Variants in SPRED1 observed in about 807,000 individuals in gnomAD.
The protein encoded by SPRED1 is sprouty-related, EVH1 domain-containing protein 1.
A neutral mutation model predicts 52.3 loss-of-function variants in SPRED1; 18 were observed. The observed-to-expected ratio is 0.34, with a 90% confidence interval of 0.24 to 0.51. The LOEUF (loss-of-function observed/expected upper bound fraction) is 0.51. Among genes scored for constraint, SPRED1 ranks in the 20% least tolerant of loss-of-function variants. The pLI is 0.97. For synonymous variants in SPRED1, 155 were observed against 179.7 expected (o/e 0.86, Z 1.10); for missense variants, 485 against 551.0 (o/e 0.88, Z 1.20).
intron 2 of SPRED1, among the ~76,000 whole-genome samples, chr15:38,313,568 G>A (rs1211116632): frequency 6.6e-6 from 1 of 151,594 alleles, no homozygotes; most frequent in Non-Finnish European, 1.5e-5. Context: ...TAGGATAAAT[G>A]ATTATAATTC....
At chr15:38,316,754 T>TTTTTTTTG in intron 2 of SPRED1, among the ~76,000 whole-genome samples, 2 of 146,598 alleles carry the variant, frequency 1.4e-5, no homozygotes, top group Admixed American at 6.9e-5. Flanking sequence ...ATATGTTTTT[T>TTTTTTTTG]TTTTTTTTTT....
At chr15:38,276,405 A>G (rs1894554882) in intron 1 of SPRED1, among the ~76,000 whole-genome samples, 1 of 152,068 alleles carries the variant, frequency 6.6e-6, no homozygotes, top group African/African-American at 2.4e-5. Context: ...GTGCACTATC[A>G]TTTCATAATT....
At chr15:38,331,574 G>C (rs1566870175) in intron 4 of SPRED1, among the ~76,000 whole-genome samples, 2 of 152,074 alleles carry the variant, frequency 1.3e-5, no homozygotes, top group Admixed American at 1.3e-4. Flanking sequence ...CCAAAATTCA[G>C]ATTTTCTTAA....
chr15:38,283,968 TTAGA>T (rs1387466026), intron 1 of SPRED1, among the ~76,000 whole-genome samples: 1 of 152,170 alleles, frequency 6.6e-6, no homozygotes, highest in Admixed American at 6.5e-5. Flanking sequence ...TCACTTTATT[TTAGA>T]TAGTTTTCTT....
At chr15:38,298,175 C>G (rs1026396076) in intron 1 of SPRED1, among the ~76,000 whole-genome samples, 4 of 152,080 alleles carry the variant, frequency 2.6e-5, no homozygotes, top group African/African-American at 7.2e-5. Flanking sequence ...ACTATATACT[C>G]AATACAATGA....
intron 1 of SPRED1, among the ~76,000 whole-genome samples, chr15:38,263,199 C>T (rs537748802): frequency 7.2e-5 from 11 of 152,166 alleles, no homozygotes; most frequent in Non-Finnish European, 1.2e-4. Flanking sequence ...AAATTTAGGC[C>T]GCTGTAATGC....
rs142573328 is a variant in SPRED1 at position 38,253,379 on chromosome 15, G to A, written c.32+162G>A. ...ATTTCTTTAGCCATTTTTAGTGGCAGCACCCCTCCCCATCCTCCCACATTT... is the reference window on the plus strand; with the variant it reads ...ATTTCTTTAGCCATTTTTAGTGGCAACACCCCTCCCCATCCTCCCACATTT... On this transcript the variant is annotated intron_variant, in intron 1 of 6. Coordinates refer to ENST00000299084, the MANE Select transcript of SPRED1 (RefSeq NM_152594.3). Among the ~76,000 whole-genome samples the A allele has an allele frequency of 3.3e-3, 500 of 152,238 alleles. 5 individuals carry two copies. Among genetic ancestry groups the A allele is most frequent in the African/African-American group, 0.012 (481 of 41,536 alleles).
intron 2 of SPRED1, among the ~76,000 whole-genome samples, chr15:38,313,088 CT>C (rs1472848128): frequency 6.6e-6 from 1 of 151,936 alleles, no homozygotes; most frequent in African/African-American, 2.4e-5. Context: ...TTACAGCCTG[CT>C]TTTTACCCTA....
chr15:38,307,557 G>A (rs1432157277), intron 2 of SPRED1, among the ~76,000 whole-genome samples: 1 of 152,032 alleles, frequency 6.6e-6, no homozygotes, highest in Non-Finnish European at 1.5e-5. Context: ...TTCCTCCCTG[G>A]CTCTATTTCC....
chr15:38,292,533 T>C (rs7176488), intron 1 of SPRED1, among the ~76,000 whole-genome samples: 145,956 of 152,222 alleles, frequency 0.96, 70,246 homozygotes, highest in East Asian at 1. Flanking sequence ...AGAATCATGG[T>C]GGGAGGCGAA....
In SPRED1 at chr15:38,351,429, G is replaced by A; in HGVS notation, c.1100G>A (p.Ser367Asn). 6.2e-7 allele frequency: 1 copy of A among 1,614,158 alleles called. No individual in the cohort carries two copies. Among genetic ancestry groups the A allele is most frequent in the Non-Finnish European group, 8.5e-7 (1 of 1,180,022 alleles). ...DPIKRCIYQVSCMLCAESMLY... is the reference protein window; with the variant it reads ...DPIKRCIYQVNCMLCAESMLY... ...ATTAAAAGATGCATATATCAAGTTA[G>A]TTGCATGCTCTGTGCAGAGAGCATG... Residue 367 changes from serine (S) to asparagine (N), a missense_variant, in exon 7 of 7, where the codon AGT becomes AAT. By Grantham distance (46) the Ser-to-Asn change is conservative. Transcript: ENST00000299084.
At chr15:38,290,180 C>T (rs757098322) in intron 1 of SPRED1, among the ~76,000 whole-genome samples, 5 of 152,110 alleles carry the variant, frequency 3.3e-5, no homozygotes, top group Non-Finnish European at 5.9e-5. Context: ...ATGTTTTGAT[C>T]TTTTGTTGAG....
chr15:38,344,777 A>T (rs559378346), intron 5 of SPRED1, among the ~76,000 whole-genome samples: 1 of 152,330 alleles, frequency 6.6e-6, no homozygotes, highest in South Asian at 2.1e-4. Context: ...TAAATAGAAC[A>T]ATAATACTCG....
rs2141019282 is a variant in SPRED1, at chr15:38,355,202, C to T, written c.*3538C>T. ...AACTCCTGACCTTAGGTGATCCACCCACCTCGGCCTCCCAAAGTGCTGGGA... is the reference window on the plus strand; with the variant it reads ...AACTCCTGACCTTAGGTGATCCACCTACCTCGGCCTCCCAAAGTGCTGGGA... On this transcript the variant is annotated 3_prime_UTR_variant, in exon 7 of 7. Transcript: ENST00000299084. The T allele has an allele frequency of 6.6e-6, 1 of 152,384 alleles. No homozygotes were observed. The highest frequency in any genetic ancestry group is 1.9e-4 in the East Asian group (1 of 5,168). The allele number at this position is 152,384 out of a possible 1,614,324, so 9.4% of individuals were successfully genotyped here. A position where few individuals can be genotyped will look rare whatever the true frequency, so the allele number is the denominator to read the frequency against.
At chr15:38,255,252 A>G (rs1894069926) in intron 1 of SPRED1, among the ~76,000 whole-genome samples, 2 of 152,148 alleles carry the variant, frequency 1.3e-5, no homozygotes, top group South Asian at 4.1e-4. Context: ...ACCGATGGCA[A>G]TCTTCAGTGA....
intron 1 of SPRED1, among the ~76,000 whole-genome samples, chr15:38,258,581 C>T (rs1021534207): frequency 6.6e-6 from 1 of 151,980 alleles, no homozygotes; most frequent in African/African-American, 2.4e-5. Flanking sequence ...TGTTAAATTG[C>T]CCTCTAGAAA....
At chr15:38,313,760 T>C (rs1054648920) in intron 2 of SPRED1, among the ~76,000 whole-genome samples, 7 of 151,788 alleles carry the variant, frequency 4.6e-5, no homozygotes, top group African/African-American at 1.7e-4. Context: ...CATTTTTGGG[T>C]TTATTATATT....
At chr15:38,292,350 C>A (rs1452394328) in intron 1 of SPRED1, among the ~76,000 whole-genome samples, 1 of 152,204 alleles carries the variant, frequency 6.6e-6, no homozygotes, top group Non-Finnish European at 1.5e-5. Context: ...GCCTGTTACC[C>A]AGTTCCAAAG....
intron 1 of SPRED1, among the ~76,000 whole-genome samples, chr15:38,264,225 A>G (rs11073304): frequency 0.78 from 117,989 of 152,118 alleles, 47,153 homozygotes; most frequent in Non-Finnish European, 0.87. Flanking sequence ...TGAAAGGTTT[A>G]GTAACTTGCC....
Sources: gnomAD v4.1 joint callset for allele counts (sites outside exome capture counted in the v4.1 genomes callset) on GRCh38, gnomAD v4.1.1 for gene constraint, MANE v1.5 for transcripts, NCBI Gene and HGNC (gene_info 2026-07-23, HGNC 2026-07-21) for gene names.